The following PKM variants were observed in gnomAD, a reference collection of about 807,000 sequenced individuals.
PKM encodes the protein pyruvate kinase M1/2.
Under a neutral mutation model 49.8 loss-of-function variants are expected in PKM, and 18 were observed. That is an observed-to-expected ratio of 0.36 (90% confidence interval 0.25 to 0.54). PKM has a LOEUF of 0.54. PKM is among the 20% of genes least tolerant of loss of function. The probability of loss-of-function intolerance (pLI) is 0.89; values close to 1 mark genes in which losing one functional copy is unlikely to be tolerated. For synonymous variants in PKM, 239 were observed against 261.8 expected (o/e 0.91, Z 0.84); for missense variants, 508 against 713.8 (o/e 0.71, Z 3.28).
intron 2 of PKM, among the ~76,000 whole-genome samples, chr15:72,218,130 C>T (rs1391258282): frequency 6.6e-6 from 1 of 151,612 alleles, no homozygotes; most frequent in Non-Finnish European, 1.5e-5. Flanking sequence ...CTTTTTTCTT[C>T]CTTTTTTTTT....
chr15:72,210,449 G>A lies in PKM; in HGVS notation c.276C>T (p.Arg92=), dbSNP rs1236046274. The change falls in exon 4 of 11, where the codon CGC becomes CGT. Residue 92 remains arginine, a synonymous_variant. Transcript: ENST00000335181. The stretch of plus-strand genomic sequence containing the variant: ...CAGAAGCAAAGCTTTCCGTGGCTGT[G>A]CGCACATTCTTGATGGTCTCCGCAT... ...EYHAETIKNV[R]TATESFASDP... The A allele has an allele frequency of 6.2e-7, 1 of 1,614,156 alleles. No individual in the cohort carries two copies. The highest frequency in any genetic ancestry group is 8.5e-7 in the Non-Finnish European group (1 of 1,179,998).
At chr15:72,226,773 GGAAA>G (rs2082681875) in intron 1 of PKM, among the ~76,000 whole-genome samples, 2 of 152,192 alleles carry the variant, frequency 1.3e-5, no homozygotes, top group South Asian at 4.1e-4. Flanking sequence ...GCTGGCATGA[GGAAA>G]GAGGCTTAGG....
chr15:72,229,920 AAAAAAGAAAG>A (rs963116786), intron 1 of PKM, among the ~76,000 whole-genome samples: 19 of 98,928 alleles, frequency 1.9e-4, no homozygotes, highest in East Asian at 1.6e-3. Flanking sequence ...TTAAAAAAAA[AAAAAAGAAAG>A]AAAAAAGAAA....
chr15:72,209,392 A>G (rs2082171764), intron 5 of PKM: 1 of 118,422 alleles, frequency 8.4e-6, no homozygotes, highest in Non-Finnish European at 1.7e-5. Flanking sequence ...AACACAGCGA[A>G]ACAAATATAT....
At chr15:72,220,478 G>A (rs947437079) in intron 1 of PKM, among the ~76,000 whole-genome samples, 3 of 152,188 alleles carry the variant, frequency 2.0e-5, no homozygotes, top group Admixed American at 6.5e-5. Context: ...GAAGGCAGTA[G>A]TGAACAGTCT....
Position 72,214,712 on chromosome 15 carries a change from T to G in PKM, c.246+2697A>C, listed in dbSNP as rs139388329. ...TAGGAGGCTGAGGCAGAAGAATCTCTTGAACCCAGGAGGCAGAGGTTGCAG... is the reference window on the plus strand; with the variant it reads ...TAGGAGGCTGAGGCAGAAGAATCTCGTGAACCCAGGAGGCAGAGGTTGCAG... On this transcript the variant is annotated intron_variant, in intron 3 of 10. Coordinates refer to ENST00000335181, the MANE Select transcript of PKM (RefSeq NM_002654.6). 4.8e-3 allele frequency among the ~76,000 whole-genome samples: 736 copies of G among 152,200 alleles called. 7 individuals are homozygous for G. The highest frequency in any genetic ancestry group is 0.017 in the African/African-American group (700 of 41,526).
In PKM at chr15:72,199,224, G is replaced by T. The variant is rs533829630; in HGVS notation, c.*426C>A. On this transcript the variant is annotated 3_prime_UTR_variant, in exon 11 of 11. Coordinates refer to ENST00000335181, the MANE Select transcript of PKM (RefSeq NM_002654.6). ...GCAAGTAAGGGCCAGGGCCAGAGTC[G>T]GCTTCAATGGAACAACAGCCCAGTG... 2 of 361,128 alleles carry T rather than the reference G, an allele frequency of 5.5e-6. No homozygotes were observed. The highest frequency in any genetic ancestry group is 4.4e-4 in the Middle Eastern group (1 of 2,284). The allele number at this position is 361,128 out of a possible 1,614,324, so 22.4% of individuals were successfully genotyped here. A position where few individuals can be genotyped will look rare whatever the true frequency, so the allele number is the denominator to read the frequency against.
chr15:72,219,134 G>C, intron 1 of PKM, 24 bp from the exon 2 acceptor site: 1 of 1,605,438 alleles, frequency 6.2e-7, no homozygotes, highest in Non-Finnish European at 8.5e-7. Flanking sequence ...AATTGAAAGA[G>C]AGTGGTAAGA....
At chr15:72,216,943 G>A (rs71395068) in intron 3 of PKM, among the ~76,000 whole-genome samples, 2,028 of 152,304 alleles carry the variant, frequency 0.013, 21 homozygotes, top group East Asian at 0.028. Context: ...ATTAGGCTCA[G>A]TCCCTCAAAA....
intron 1 of PKM, among the ~76,000 whole-genome samples, chr15:72,225,880 G>A (rs8192380): frequency 5.9e-5 from 9 of 152,318 alleles, no homozygotes; most frequent in African/African-American, 2.2e-4. Context: ...CTTAGGTCAT[G>A]GAGTATGTTT....
Position 72,202,168 on chromosome 15 carries a change from CA to C in PKM, c.1307+285del, listed in dbSNP as rs1269416238. 6.4e-6 allele frequency: 3 copies of C among 470,742 alleles called. No homozygotes were observed. The highest frequency in any genetic ancestry group is 5.8e-5 in the African/African-American group (3 of 51,454). The allele number at this position is 470,742 out of a possible 1,614,324, so 29.2% of individuals were successfully genotyped here. On this transcript the variant is annotated intron_variant, in intron 9 of 10. Coordinates refer to ENST00000335181, the MANE Select transcript of PKM (RefSeq NM_002654.6). The surrounding 1 kb of genome is among the most constrained non-coding windows in gnomAD (Gnocchi z 4.5). ...TTTTAGAGGACTAAATTTTCAATATCAAATAACCATTTGTAGTCAGCCTGTG... is the reference window on the plus strand; with the variant it reads ...TTTTAGAGGACTAAATTTTCAATATCAATAACCATTTGTAGTCAGCCTGTG...
chr15:72,200,643 C>G lies in PKM; in HGVS notation c.1320G>C (p.Gln440His). Residue 440 changes from glutamine (Q) to histidine (H), a missense_variant, in exon 10 of 11, where the codon CAG (glutamine) becomes CAC (histidine). Transcript: ENST00000335181. This position sits in a 1 kb window ranked among gnomAD's most constrained non-coding sequence, Gnocchi z 4.6. ...GGGCACGTGGGCGGTATCTGGCCAC[C>G]TGGTGAGCAGACCTGAGATGGGATG... ...VLTKSGRSAH[Q>H]VARYRPRAPI... 6.2e-7 allele frequency: 1 copy of G among 1,612,570 alleles called. No individual in the cohort carries two copies. The highest frequency in any genetic ancestry group is 1.1e-5 in the South Asian group (1 of 91,062).
chr15:72,221,384 G>A (rs1165814899), intron 1 of PKM: 19 of 640,624 alleles, frequency 3.0e-5, no homozygotes, highest in Middle Eastern at 2.7e-4. Context: ...AGCTGCTCTA[G>A]AGATTCCACT....
chr15:72,207,721 C>T (rs2082122544), intron 6 of PKM, among the ~76,000 whole-genome samples: 1 of 152,224 alleles, frequency 6.6e-6, no homozygotes, highest in African/African-American at 2.4e-5. Flanking sequence ...TGAGGTGGCC[C>T]ACTCCAACCT....
At chr15:72,207,316 C>A (rs2082112380) in intron 6 of PKM, 39 bp from the exon 7 acceptor site, 1 of 1,590,164 alleles carries the variant, frequency 6.3e-7, no homozygotes, top group South Asian at 1.1e-5. Flanking sequence ...TTATATAGAA[C>A]AGAGGCCACA....
intron 1 of PKM, among the ~76,000 whole-genome samples, chr15:72,227,985 A>G (rs145032965): frequency 2.0e-5 from 3 of 152,302 alleles, no homozygotes; most frequent in Non-Finnish European, 4.4e-5. Flanking sequence ...CAACTCCCAT[A>G]AAGTGCTAGC....
At chr15:72,226,770 T>C (rs1189948542) in intron 1 of PKM, among the ~76,000 whole-genome samples, 3 of 152,138 alleles carry the variant, frequency 2.0e-5, no homozygotes, top group South Asian at 4.1e-4. Flanking sequence ...CTTGCTGGCA[T>C]GAGGAAAGAG....
chr15:72,231,028 C>G (rs978081975), intron 1 of PKM, 88 bp downstream of exon 1: 1 of 1,149,730 alleles, frequency 8.7e-7, no homozygotes, highest in African/African-American at 1.6e-5. Flanking sequence ...CCTGCGTGCC[C>G]GGGGCCGGCC....
chr15:72,226,150 AGT>A, intron 1 of PKM, among the ~76,000 whole-genome samples: 1 of 152,218 alleles, frequency 6.6e-6, no homozygotes, highest in East Asian at 1.9e-4. Context: ...TGGTGGACAC[AGT>A]GTGTCTTATG....
Sources: gnomAD v4.1 joint callset for allele counts (sites outside exome capture counted in the v4.1 genomes callset) on GRCh38, gnomAD v4.1.1 for gene constraint, Gnocchi (gnomAD v3.1) non-coding constraint, MANE v1.5 for transcripts, NCBI Gene and HGNC (gene_info 2026-07-23, HGNC 2026-07-21) for gene names.